FXR1: variants seen among roughly 807,000 people sequenced by gnomAD.
FXR1 encodes the protein FMR1 autosomal homolog 1.
A neutral mutation model predicts 84.0 loss-of-function variants in FXR1; 15 were observed. That is an observed-to-expected ratio of 0.18 (90% confidence interval 0.12 to 0.27). FXR1 has a LOEUF of 0.27. FXR1 is among the 10% of genes least tolerant of loss of function. FXR1 has a pLI of 1.00. For synonymous variants in FXR1, 245 were observed against 250.7 expected (o/e 0.98, Z 0.21); for missense variants, 480 against 774.4 (o/e 0.62, Z 4.51).
At chr3:180,949,152 A>G in intron 6 of FXR1, 75 bp from the exon 7 acceptor site, 2 of 814,048 alleles carry the variant, frequency 2.5e-6, no homozygotes, top group South Asian at 2.7e-5. Flanking sequence ...AAGGCTTTGC[A>G]TAGAAGATGG....
chr3:180,946,475 T>C (rs1721703048), intron 3 of FXR1, among the ~76,000 whole-genome samples: 2 of 152,206 alleles, frequency 1.3e-5, no homozygotes, highest in Admixed American at 1.3e-4. Context: ...AAGTAAACTT[T>C]CTTGTTTTTT....
At chr3:180,951,511 A>G in intron 8 of FXR1, 43 bp downstream of exon 8, 7 of 1,321,706 alleles carry the variant, frequency 5.3e-6, no homozygotes, top group Non-Finnish European at 7.4e-6. Context: ...TGTATTAACC[A>G]TCTATTGTTT....
In FXR1 at chr3:180,912,758, T is replaced by C. The variant is rs778710756; in HGVS notation, c.51+22T>C. 5 of 1,614,042 alleles carry C rather than the reference T, an allele frequency of 3.1e-6. No homozygotes were observed. In the South Asian group the frequency reaches 4.4e-5, roughly 14 times the overall value. On this transcript the variant is annotated intron_variant, in intron 1 of 16. Coordinates refer to ENST00000357559, the MANE Select transcript of FXR1 (RefSeq NM_005087.4). The stretch of plus-strand genomic sequence containing the variant: ...CAAGGTACTGACCGTTTTGCCACTT[T>C]GTCGAGTGTTCTGGGTGCTGGAGCG...
chr3:180,921,005 A>G (rs2108425527), intron 1 of FXR1, among the ~76,000 whole-genome samples: 1 of 152,246 alleles, frequency 6.6e-6, no homozygotes, highest in Middle Eastern at 3.4e-3. Flanking sequence ...TCAAACTCAG[A>G]ACAGTTACAT....
chr3:180,915,546 C>G, intron 1 of FXR1: 1 of 1,386,530 alleles, frequency 7.2e-7, no homozygotes, highest in African/African-American at 1.4e-5. Flanking sequence ...TGGAACTCAG[C>G]AAAAACTAGA....
intron 1 of FXR1, among the ~76,000 whole-genome samples, chr3:180,924,613 T>G (rs919350575): frequency 2.6e-5 from 4 of 152,166 alleles, no homozygotes; most frequent in African/African-American, 7.2e-5. Context: ...CAGAATAGAT[T>G]GTTTTTCCAT....
At chr3:180,951,241 C>T (rs1257393675) in intron 7 of FXR1, 57 bp from the exon 8 acceptor site, 5 of 1,148,300 alleles carry the variant, frequency 4.4e-6, no homozygotes, top group Non-Finnish European at 6.4e-6. Flanking sequence ...CCAAACCATA[C>T]AAAAAAGCCA....
chr3:180,981,973 GC>G lies in FXR1; in HGVS notation c.*5685del, dbSNP rs1396049997. On this transcript the variant is annotated 3_prime_UTR_variant, in exon 17 of 17. Transcript: ENST00000357559. ...GAAGCACCAATGAGTAAAGACAAAG[GC>G]CCCAAGCTAGATCTGTAGAGATAAG... 1.3e-5 allele frequency: 2 copies of G among 151,880 alleles called. No homozygotes were observed. Among genetic ancestry groups the G allele is most frequent in the African/African-American group, 4.8e-5 (2 of 41,350 alleles). The allele number at this position is 151,880 out of a possible 1,614,324, so 9.4% of individuals were successfully genotyped here.
At chr3:180,971,342 G>A (rs1713561029) in intron 15 of FXR1, 2 of 172,758 alleles carry the variant, frequency 1.2e-5, no homozygotes, top group South Asian at 2.2e-4. Flanking sequence ...TTCCTTCACA[G>A]TGTGTTAGTA....
At chr3:180,940,584 T>TGTTTTTG (rs1721014227) in intron 3 of FXR1, among the ~76,000 whole-genome samples, 1 of 150,104 alleles carries the variant, frequency 6.7e-6, no homozygotes, top group Non-Finnish European at 1.5e-5. Flanking sequence ...TTTTCTGTTT[T>TGTTTTTG]CTTTTTTTTT....
In FXR1 at chr3:180,912,729, T is replaced by A. The variant is rs746763128; in HGVS notation, c.44T>A (p.Phe15Tyr). Reference protein sequence around the residue: ...TVEVRGSNGAFYKGFIKDVHE... With the variant: ...TVEVRGSNGAYYKGFIKDVHE... ...GAGGTTCGCGGCTCTAACGGGGCTT[T>A]CTACAAGGTACTGACCGTTTTGCCA... is the stretch of plus-strand genomic sequence containing the variant. The change falls in exon 1 of 17, where the codon TTC becomes TAC. Residue 15 changes from phenylalanine (F) to tyrosine (Y), a missense_variant. Around this residue, in one of 6 missense-constraint regions of FXR1, gnomAD observed 54 missense variants for 74.2 expected, o/e 0.73. Transcript: ENST00000357559. 1 of 1,614,108 alleles carries A rather than the reference T, an allele frequency of 6.2e-7. No individual in the cohort carries two copies. Among genetic ancestry groups the A allele is most frequent in the Non-Finnish European group, 8.5e-7 (1 of 1,179,996 alleles).
intron 1 of FXR1, among the ~76,000 whole-genome samples, chr3:180,932,325 A>G (rs1463502045): frequency 6.6e-6 from 1 of 152,154 alleles, no homozygotes; most frequent in East Asian, 1.9e-4. Context: ...AGTATTTCCT[A>G]TGTACACCAT....
chr3:180,931,772 A>G (rs1485779325), intron 1 of FXR1, among the ~76,000 whole-genome samples: 1 of 104,312 alleles, frequency 9.6e-6, no homozygotes, highest in Non-Finnish European at 1.8e-5. Flanking sequence ...AGATGGGGCC[A>G]CTCTGTCACC....
intron 1 of FXR1, among the ~76,000 whole-genome samples, chr3:180,914,101 A>G (rs1430424887): frequency 6.6e-6 from 1 of 152,176 alleles, no homozygotes; most frequent in Admixed American, 6.5e-5. Context: ...GGTAAACTTA[A>G]AGTAGGAACA....
At chr3:180,954,079 G>C (rs1264531637) in intron 9 of FXR1, 3 of 341,114 alleles carry the variant, frequency 8.8e-6, no homozygotes, top group Admixed American at 4.5e-5. Context: ...TAAGGCCCAG[G>C]GTTTTTATAA....
At chr3:180,950,699 CTA>C (rs1722145260) in intron 7 of FXR1, among the ~76,000 whole-genome samples, 1 of 152,058 alleles carries the variant, frequency 6.6e-6, no homozygotes. Context: ...ATAAATTTGA[CTA>C]TTTTAGATAC....
chr3:180,915,360 G>T, intron 1 of FXR1: 1 of 603,290 alleles, frequency 1.7e-6, no homozygotes. Flanking sequence ...CTCAACCCCA[G>T]CTTCTAGAGT....
intron 3 of FXR1, among the ~76,000 whole-genome samples, chr3:180,939,163 A>G (rs1005123010): frequency 1.3e-5 from 2 of 151,908 alleles, no homozygotes; most frequent in Non-Finnish European, 2.9e-5. Flanking sequence ...CAAAGTGCTG[A>G]GATTATAGGC....
intron 1 of FXR1, among the ~76,000 whole-genome samples, chr3:180,921,770 A>G (rs908649143): frequency 3.3e-5 from 5 of 151,546 alleles, no homozygotes; most frequent in Admixed American, 2.6e-4. Flanking sequence ...ATACGTTTAC[A>G]TAGACACGTG....
Sources: gnomAD v4.1 joint callset for allele counts (sites outside exome capture counted in the v4.1 genomes callset) on GRCh38, gnomAD v4.1.1 for gene constraint, gnomAD v4.1.1 regional missense constraint, MANE v1.5 for transcripts, NCBI Gene and HGNC (gene_info 2026-07-23, HGNC 2026-07-21) for gene names.